Variants in NAPSA observed in about 807,000 individuals in gnomAD.
NAPSA encodes the protein napsin A aspartic peptidase, also known as napsin-A.
In NAPSA, 37 loss-of-function variants were observed where a neutral mutation model predicts 36.7. The observed-to-expected ratio is 1.01, with a 90% CI of 0.78 to 1.33. The LOEUF is 1.33. Among genes scored for constraint, NAPSA ranks in the 40% most tolerant of loss-of-function variants. NAPSA has a pLI of 0.00. For missense variants in NAPSA, 532 were observed against 543.8 expected (o/e 0.98, Z 0.21); for synonymous variants, 222 against 234.5 (o/e 0.95, Z 0.49).
At chr19:50,361,464 C>T (rs34541118) in intron 4 of NAPSA, 199 bp downstream of exon 4, 189,903 of 606,462 alleles carry the variant, frequency 0.31, 31,279 homozygotes, top group Admixed American at 0.4. Context: ...TGAGAAGCCC[C>T]ACCTCTTCAC....
rs1256412254 is a variant in NAPSA, at chr19:50,362,323, AAG to A, written c.84-12_84-11del. 6.3e-7 allele frequency: 1 copy of A among 1,590,856 alleles called. No individual in the cohort carries two copies. Among genetic ancestry groups the A allele is most frequent in the Admixed American group, 1.8e-5 (1 of 55,558 alleles). ...TCGATGAAGAGGGATGCTGTAGGGAAAGAGGATATTGACAGGAAGCTGCCCTT... is the reference window on the plus strand; with the variant it reads ...TCGATGAAGAGGGATGCTGTAGGGAAAGGATATTGACAGGAAGCTGCCCTT... On this transcript the variant is annotated splice_polypyrimidine_tract_variant and intron_variant, in intron 1 of 8. Transcript: ENST00000253719.
At chr19:50,368,960 G>A (rs71355144), upstream of NAPSA, among the ~76,000 whole-genome samples, 4 of 152,300 alleles carry the variant, frequency 2.6e-5, no homozygotes, top group Non-Finnish European at 4.4e-5. Context: ...CAAGCGTACT[G>A]GGAGATCTCC....
chr19:50,367,355 T>C (rs2037560295), upstream of NAPSA, among the ~76,000 whole-genome samples: 1 of 152,178 alleles, frequency 6.6e-6, no homozygotes, highest in South Asian at 2.1e-4. Context: ...TCAAAAGTAC[T>C]TGGGTGTTGT....
chr19:50,360,765 G>A (rs796212398), intron 5 of NAPSA, among the ~76,000 whole-genome samples, 176 bp downstream of exon 5: 8 of 152,192 alleles, frequency 5.3e-5, no homozygotes, highest in African/African-American at 9.7e-5. Context: ...TAGGGCAGGT[G>A]ACTTCCTGCA....
upstream of NAPSA, chr19:50,365,701 A>G (rs2037541103): frequency 7.4e-6 from 9 of 1,215,984 alleles, no homozygotes; most frequent in Non-Finnish European, 1.1e-5. Context: ...TTCATGCCCC[A>G]CCTCCAGGTT....
chr19:50,368,108 A>G (rs2037571713), upstream of NAPSA, among the ~76,000 whole-genome samples: 2 of 150,520 alleles, frequency 1.3e-5, no homozygotes, highest in South Asian at 4.2e-4. Flanking sequence ...CAGTGAGCCA[A>G]GATCGCGCTG....
intron 1 of NAPSA, 42 bp downstream of exon 1, chr19:50,365,497 A>C: frequency 6.3e-7 from 1 of 1,586,732 alleles, no homozygotes; most frequent in Non-Finnish European, 8.6e-7. Context: ...AAGAGGCAGA[A>C]AATCCCTCCT....
rs781466117 is a variant in NAPSA at position 50,358,528 on chromosome 19, G to A, written c.*25C>T. The A allele has an allele frequency of 1.0e-5, 16 of 1,543,208 alleles. No homozygotes were observed. Among genetic ancestry groups the A allele is most frequent in the African/African-American group, 1.4e-5 (1 of 72,742 alleles). ...GGTAGCAGGACCTCCGCGACCACCC[G>A]CTGCGCATGCGCTTCACTTGGGCGT... is the stretch of plus-strand genomic sequence containing the variant. On this transcript the variant is annotated 3_prime_UTR_variant, in exon 9 of 9. Transcript: ENST00000253719.
intron 7 of NAPSA, 144 bp from the exon 8 acceptor site, chr19:50,359,253 T>G (rs2037438813): frequency 1.2e-6 from 1 of 859,538 alleles, no homozygotes; most frequent in Non-Finnish European, 1.8e-6. Flanking sequence ...CCGCCTAGAC[T>G]TACGCAGTCC....
intron 1 of NAPSA, among the ~76,000 whole-genome samples, chr19:50,363,399 G>GA (rs1018328989): frequency 1.3e-4 from 20 of 152,074 alleles, no homozygotes; most frequent in Admixed American, 1.3e-3. Flanking sequence ...CTTTTTATTT[G>GA]AAACAGGGTC....
chr19:50,367,686 C>T (rs1276606148), upstream of NAPSA, among the ~76,000 whole-genome samples: 2 of 152,060 alleles, frequency 1.3e-5, no homozygotes, highest in Non-Finnish European at 2.9e-5. Context: ...CTGCCCATGG[C>T]CTCCTGTAAC....
intron 7 of NAPSA, 96 bp downstream of exon 7, chr19:50,359,407 C>T: frequency 6.6e-7 from 1 of 1,522,370 alleles, no homozygotes; most frequent in Non-Finnish European, 8.9e-7. Flanking sequence ...CTGGAAAGCC[C>T]CTTAAATACT....
chr19:50,359,718 G>C (rs755377702), intron 6 of NAPSA, 22 bp downstream of exon 6: 12 of 1,614,102 alleles, frequency 7.4e-6, no homozygotes, highest in East Asian at 4.5e-5. Flanking sequence ...CAGCTCCAGA[G>C]CCAGGAGACC....
rs762459260 is a variant in NAPSA at position 50,358,625 on chromosome 19, G to T, written c.1191C>A (p.Gly397=). 1.2e-6 allele frequency: 2 copies of T among 1,612,638 alleles called. No individual in the cohort carries two copies. The highest frequency in any genetic ancestry group is 3.3e-5 in the Admixed American group (2 of 59,944). Residue 397 remains glycine, a synonymous_variant, in exon 9 of 9, where the codon GGC becomes GGA. Coordinates refer to ENST00000253719, the MANE Select transcript of NAPSA (RefSeq NM_004851.3). ...RGDMKSSARV[G]LARARTRGAD... is the part of the protein sequence containing the mutation. ...CTCCGCGAGTGCGAGCGCGCGCCAGGCCCACCCGGGCGCTGCTCTTCATGT... is the reference window on the plus strand; with the variant it reads ...CTCCGCGAGTGCGAGCGCGCGCCAGTCCCACCCGGGCGCTGCTCTTCATGT...
At chr19:50,362,483 A>G in intron 1 of NAPSA, 170 bp from the exon 2 acceptor site, 1 of 549,512 alleles carries the variant, frequency 1.8e-6, no homozygotes, top group Non-Finnish European at 3.1e-6. Flanking sequence ...CAAAGATGCC[A>G]TGATGACAAA....
In NAPSA at chr19:50,362,281, C is replaced by T. The variant is rs141585562; in HGVS notation, c.116G>A (p.Arg39Lys). 8.1e-5 allele frequency: 130 copies of T among 1,612,506 alleles called. No homozygotes were observed. In the African/African-American group the frequency reaches 1.3e-3, roughly 16 times the overall value. ...CCATCCCCTCAGTAGGTTCAGGATC[C>T]TGCGTCCAGGTTGGACTCGATGAAG... Reference protein sequence around the residue: ...IPLHRVQPGRRILNLLRGWRE... With the variant: ...IPLHRVQPGRKILNLLRGWRE... Residue 39 changes from arginine to lysine, a missense_variant, in exon 2 of 9, where the codon AGG becomes AAG. Coordinates refer to ENST00000253719, the MANE Select transcript of NAPSA (RefSeq NM_004851.3).
chr19:50,358,486 ATAG>A lies in NAPSA; in HGVS notation c.*64_*66del, dbSNP rs938166895. 3.7e-6 allele frequency: 5 copies of A among 1,337,170 alleles called. No homozygotes were observed. The Admixed American group carries it at 1.3e-4, about 36-fold the overall frequency. 82.8% of individuals were successfully genotyped at this position (1,337,170 alleles called of 1,614,324 possible). A position where few individuals can be genotyped will look rare whatever the true frequency, so the allele number is the denominator to read the frequency against. ...ACCCAGGCAGGTTCGCTCAATGGAA[ATAG>A]TGGATTTTTACTGGGTAGCAGGACC... On this transcript the variant is annotated 3_prime_UTR_variant, in exon 9 of 9. Coordinates refer to ENST00000253719, the MANE Select transcript of NAPSA (RefSeq NM_004851.3).
At chr19:50,360,553 T>C (rs1438804786) in intron 5 of NAPSA, among the ~76,000 whole-genome samples, 1 of 152,180 alleles carries the variant, frequency 6.6e-6, no homozygotes, top group Non-Finnish European at 1.5e-5. Context: ...AATTCCTGAC[T>C]TCTGGTCAGT....
chr19:50,365,617 G>C lies in NAPSA; in HGVS notation c.5C>G (p.Ser2Cys), dbSNP rs1159051493. The C allele has an allele frequency of 1.2e-6, 2 of 1,608,608 alleles. No individual in the cohort carries two copies. The highest frequency in any genetic ancestry group is 4.5e-5 in the East Asian group (2 of 44,782). The change falls in exon 1 of 9, where the codon TCT becomes TGT. Residue 2 changes from serine to cysteine, a missense_variant. This residue lies in a region of NAPSA where 102 missense variants were observed against 93.6 expected (regional missense o/e 1.09). Coordinates refer to ENST00000253719, the MANE Select transcript of NAPSA (RefSeq NM_004851.3). ...CAGGGGTTGCAGCAGCGGTGGTGGA[G>C]ACATCGCTGGGGACCTGGGTGTGAA... The part of the protein sequence containing the change: M[S>C]PPPLLQPLLL...
Sources: gnomAD v4.1 joint callset for allele counts (sites outside exome capture counted in the v4.1 genomes callset) on GRCh38, gnomAD v4.1.1 for gene constraint, gnomAD v4.1.1 regional missense constraint, MANE v1.5 for transcripts, NCBI Gene and HGNC (gene_info 2026-07-23, HGNC 2026-07-21) for gene names.